The following COL11A1 variants were observed in gnomAD, a reference collection of about 807,000 sequenced individuals.
COL11A1 encodes collagen type XI alpha 1 chain, also known as collagen alpha-1(XI) chain.
Under a neutral mutation model 265.2 loss-of-function variants are expected in COL11A1, and 74 were observed. The observed-to-expected ratio is 0.28, with a 90% CI of 0.23 to 0.34. The LOEUF (loss-of-function observed/expected upper bound fraction) is 0.34. Ranked by LOEUF, COL11A1 falls within the 10% of genes least tolerant of loss-of-function variation. The pLI, the probability that COL11A1 is intolerant of heterozygous loss-of-function variation, is 1.00. For missense variants in COL11A1, 2,165 were observed against 2,263.6 expected (o/e 0.96, Z 0.88); for synonymous variants, 816 against 727.6 (o/e 1.12, Z -1.96).
intron 4 of COL11A1, among the ~76,000 whole-genome samples, chr1:103,045,242 CAAATG>C (rs1431114373): frequency 1.3e-5 from 2 of 152,118 alleles, no homozygotes; most frequent in Non-Finnish European, 2.9e-5. Flanking sequence ...AATAACTTTA[CAAATG>C]AAATGAAATG....
At chr1:103,057,554 C>A (rs1670340926) in intron 4 of COL11A1, among the ~76,000 whole-genome samples, 1 of 152,144 alleles carries the variant, frequency 6.6e-6, no homozygotes, top group Non-Finnish European at 1.5e-5. Flanking sequence ...CTATGTATGG[C>A]AGCCATAGCA....
Position 103,108,342 on chromosome 1 carries a change from C to T in COL11A1, c.-164G>A, listed in dbSNP as rs888146812. 1.5e-6 allele frequency: 1 copy of T among 683,516 alleles called. No individual in the cohort carries two copies. The highest frequency in any genetic ancestry group is 2.6e-6 in the Non-Finnish European group (1 of 378,726). 42.3% of individuals were successfully genotyped at this position (683,516 alleles called of 1,614,324 possible). On this transcript the variant is annotated 5_prime_UTR_variant, in exon 1 of 67. Coordinates refer to ENST00000370096, the MANE Select transcript of COL11A1 (RefSeq NM_001854.4). ...TTTTTCTTCTAAATTTGATGGTTTGCGTTCTTCGTGTCTCTAGCCCTTTCC... is the reference window on the plus strand; with the variant it reads ...TTTTTCTTCTAAATTTGATGGTTTGTGTTCTTCGTGTCTCTAGCCCTTTCC...
At chr1:103,070,138 C>A (rs936076702) in intron 4 of COL11A1, among the ~76,000 whole-genome samples, 28 of 150,646 alleles carry the variant, frequency 1.9e-4, no homozygotes, top group African/African-American at 6.6e-4. Context: ...GGAAGTAACA[C>A]AAATGCCCAC....
chr1:102,906,098 C>T (rs1399448647), intron 54 of COL11A1, among the ~76,000 whole-genome samples: 2 of 151,968 alleles, frequency 1.3e-5, no homozygotes, highest in Non-Finnish European at 1.5e-5. Flanking sequence ...TAATAACATC[C>T]ACTGTTTGAG....
chr1:102,999,105 T>C (rs1664887877), intron 24 of COL11A1, among the ~76,000 whole-genome samples: 1 of 151,898 alleles, frequency 6.6e-6, no homozygotes, highest in African/African-American at 2.4e-5. Flanking sequence ...GTCATCGTTA[T>C]TGACACATCA....
At chr1:103,029,064 T>C (rs911571897) in intron 5 of COL11A1, among the ~76,000 whole-genome samples, 1 of 152,028 alleles carries the variant, frequency 6.6e-6, no homozygotes, top group Non-Finnish European at 1.5e-5. Context: ...TCTTTCTCCA[T>C]GGTGATGGTT....
rs1007855877 is a variant in COL11A1, at chr1:103,045,697, C to G, written c.652-14453G>C. On this transcript the variant is annotated intron_variant, in intron 4 of 66. Transcript: ENST00000370096. ...GTTTGTTACGTATGTAGACGTGTGC[C>G]ATATTGGTGTGCTGCACCCACTAAC... 9.9e-5 allele frequency among the ~76,000 whole-genome samples: 15 copies of G among 151,954 alleles called. No homozygotes were observed. The South Asian group carries it at 1.2e-3, about 13-fold the overall frequency.
At chr1:102,958,329 TC>T (rs2101540421) in intron 41 of COL11A1, among the ~76,000 whole-genome samples, 1 of 152,132 alleles carries the variant, frequency 6.6e-6, no homozygotes, top group Non-Finnish European at 1.5e-5. Context: ...CTTTTTTTTT[TC>T]AATATTAATT....
chr1:103,053,388 G>A (rs1158251091), intron 4 of COL11A1, among the ~76,000 whole-genome samples: 2 of 152,122 alleles, frequency 1.3e-5, no homozygotes, highest in African/African-American at 2.4e-5. Flanking sequence ...ATTCCAGATG[G>A]TCTGACTGGC....
At chr1:103,060,107 C>T (rs1670555219) in intron 4 of COL11A1, among the ~76,000 whole-genome samples, 1 of 151,778 alleles carries the variant, frequency 6.6e-6, no homozygotes, top group Non-Finnish European at 1.5e-5. Flanking sequence ...TAAAAGAACC[C>T]AGAGGGGAAA....
chr1:102,964,232 C>T (rs953212901), intron 38 of COL11A1, among the ~76,000 whole-genome samples: 1 of 152,070 alleles, frequency 6.6e-6, no homozygotes, highest in Non-Finnish European at 1.5e-5. Flanking sequence ...AGTCTAATTC[C>T]ATTTCTGTTT....
At chr1:102,997,030 C>T in intron 26 of COL11A1, 50 bp downstream of exon 26, 1 of 1,507,192 alleles carries the variant, frequency 6.6e-7, no homozygotes, top group Non-Finnish European at 9.2e-7. Flanking sequence ...AAGGCATTTT[C>T]TCTTGGAAAT....
chr1:102,954,514 C>T (rs1660176340), intron 41 of COL11A1, among the ~76,000 whole-genome samples: 1 of 152,194 alleles, frequency 6.6e-6, no homozygotes, highest in African/African-American at 2.4e-5. Flanking sequence ...AGCTATACAA[C>T]TAGAGGGCAA....
At position 103,025,540 on chromosome 1, in the gene COL11A1, T is replaced by A; in HGVS notation, c.971A>T (p.His324Leu). ...MESYQTEAPR[H>L]VSGTNEPNPV... is the part of the protein sequence containing the mutation. Reference sequence around the variant, plus strand: ...TATTACCTCATTTGTCCCAGAAACATGCCTAGGAGCTTCTGTCTGGTAACT... The same window carrying A: ...TATTACCTCATTTGTCCCAGAAACAAGCCTAGGAGCTTCTGTCTGGTAACT... The change falls in exon 7 of 67, where the codon CAT (histidine) becomes CTT (leucine). Residue 324 changes from histidine to leucine, a missense_variant. Physicochemically the swap from His to Leu is moderately conservative, Grantham distance 99. Transcript: ENST00000370096. 6.2e-7 allele frequency: 1 copy of A among 1,612,956 alleles called. No homozygotes were observed. Among genetic ancestry groups the A allele is most frequent in the African/African-American group, 1.3e-5 (1 of 75,022 alleles).
At chr1:103,107,394 G>A (rs1383811027) in intron 1 of COL11A1, among the ~76,000 whole-genome samples, 1 of 151,638 alleles carries the variant, frequency 6.6e-6, no homozygotes, top group Non-Finnish European at 1.5e-5. Context: ...GGGGTGGGGT[G>A]GGGGGAGTCA....
chr1:103,006,871 A>G (rs376978831), intron 15 of COL11A1, among the ~76,000 whole-genome samples: 9 of 152,130 alleles, frequency 5.9e-5, no homozygotes, highest in Admixed American at 1.3e-4. Context: ...GGTTACATTT[A>G]AATAAAAGAA....
At chr1:103,007,716 C>T (rs1028928719) in intron 15 of COL11A1, among the ~76,000 whole-genome samples, 2 of 151,530 alleles carry the variant, frequency 1.3e-5, no homozygotes, top group Admixed American at 6.6e-5. Context: ...AAAAATTTGC[C>T]GGGCATGGTG....
Position 103,078,638 on chromosome 1 carries a change from T to G in COL11A1, c.488+20A>C. ...AATGATTTTGGCATAGCTAAAACAT[T>G]GTATTATTTTGTTACTTACTTCCCG... is the stretch of plus-strand genomic sequence containing the variant. On this transcript the variant is annotated intron_variant, in intron 3 of 66. Coordinates refer to ENST00000370096, the MANE Select transcript of COL11A1 (RefSeq NM_001854.4). The G allele has an allele frequency of 6.2e-7, 1 of 1,601,194 alleles. No homozygotes were observed. The highest frequency in any genetic ancestry group is 8.6e-7 in the Non-Finnish European group (1 of 1,168,654).
chr1:103,002,680 CA>C (rs1485419690), intron 22 of COL11A1, 66 bp downstream of exon 22: 13 of 1,378,880 alleles, frequency 9.4e-6, no homozygotes, highest in Non-Finnish European at 1.2e-5. Context: ...TTAGATTTAA[CA>C]ACAAAAAATG....
Sources: gnomAD v4.1 joint callset for allele counts (sites outside exome capture counted in the v4.1 genomes callset) on GRCh38, gnomAD v4.1.1 for gene constraint, MANE v1.5 for transcripts, NCBI Gene and HGNC (gene_info 2026-07-23, HGNC 2026-07-21) for gene names.